PTPRN2: variants seen among roughly 807,000 people sequenced by gnomAD.
PTPRN2 encodes protein tyrosine phosphatase receptor type N2.
In PTPRN2, 74 loss-of-function variants were observed where a neutral mutation model predicts 118.8. The ratio of observed to expected loss-of-function variants is 0.62; its 90% CI spans 0.52 to 0.76. The LOEUF (loss-of-function observed/expected upper bound fraction) is 0.76. PTPRN2 is among the 30% of genes least tolerant of loss of function. The pLI is 0.00. For synonymous variants in PTPRN2, 641 were observed against 608.0 expected, an observed-to-expected ratio of 1.05 and a Z score of -0.80; for missense variants, 1,481 against 1,394.4, an observed-to-expected ratio of 1.06 and a Z score of -0.99.
intron 15 of PTPRN2, among the ~76,000 whole-genome samples, chr7:157,612,892 G>A (rs1196650776): frequency 1.3e-5 from 2 of 152,188 alleles, no homozygotes; most frequent in African/African-American, 2.4e-5. Flanking sequence ...GCACACCCCG[G>A]CCAGGGCAGG....
intron 2 of PTPRN2, among the ~76,000 whole-genome samples, chr7:158,366,282 C>T (rs1403562238): frequency 2.7e-5 from 4 of 148,166 alleles, no homozygotes; most frequent in African/African-American, 1.0e-4. Context: ...CCACAGCATC[C>T]CTGGGAGAAG....
At chr7:158,458,386 G>A (rs1818692250) in intron 2 of PTPRN2, among the ~76,000 whole-genome samples, 1 of 152,326 alleles carries the variant, frequency 6.6e-6, no homozygotes, top group East Asian at 1.9e-4. Context: ...CCACCTGGGG[G>A]AAAAGCTGCC....
chr7:158,208,694 A>T (rs757988103), intron 3 of PTPRN2, among the ~76,000 whole-genome samples: 13 of 152,252 alleles, frequency 8.5e-5, no homozygotes, highest in Non-Finnish European at 1.6e-4. Flanking sequence ...AGTGAGCAGT[A>T]AGAAATCATC....
At position 158,451,353 on chromosome 7, in the gene PTPRN2, T is replaced by TA. The variant is rs1455236044; in HGVS notation, c.163+38381dup. Among the ~76,000 whole-genome samples the TA allele has an allele frequency of 1.2e-4, 19 of 152,332 alleles. No homozygotes were observed. The East Asian group carries it at 3.7e-3, about 29-fold the overall frequency. ...TTTTACTAAGAGTTATTCTTGATTT[T>TA]AATATAGTTGAAATTATCAGTAATT... On this transcript the variant is annotated intron_variant, in intron 2 of 22. Transcript: ENST00000389418.
chr7:158,359,011 G>A (rs1056638627), intron 2 of PTPRN2, among the ~76,000 whole-genome samples: 2 of 152,312 alleles, frequency 1.3e-5, no homozygotes, highest in East Asian at 1.9e-4. Flanking sequence ...TGGGAGGGAC[G>A]CCATCCCCAC....
chr7:158,134,199 T>C, intron 8 of PTPRN2, 140 bp from the exon 9 acceptor site: 1 of 939,432 alleles, frequency 1.1e-6, no homozygotes, highest in Non-Finnish European at 1.6e-6. Flanking sequence ...GAAGGCGAAG[T>C]GTGTGCAGTC....
At chr7:158,425,883 C>G (rs1304742600) in intron 2 of PTPRN2, among the ~76,000 whole-genome samples, 1 of 138,882 alleles carries the variant, frequency 7.2e-6, no homozygotes, top group East Asian at 2.1e-4. Flanking sequence ...TCCAGCCTAG[C>G]TGAGGCCTGC....
chr7:158,288,947 G>A (rs765253039), intron 3 of PTPRN2, among the ~76,000 whole-genome samples: 2 of 152,070 alleles, frequency 1.3e-5, no homozygotes, highest in South Asian at 4.1e-4. Flanking sequence ...GCCAAGTACA[G>A]TATTCTTGGT....
At chr7:158,538,427 T>C (rs1825779796) in intron 1 of PTPRN2, among the ~76,000 whole-genome samples, 1 of 152,204 alleles carries the variant, frequency 6.6e-6, no homozygotes. Flanking sequence ...TGTGTCTACT[T>C]GCTGCTTCTG....
At chr7:157,829,946 G>A (rs578204488) in intron 12 of PTPRN2, among the ~76,000 whole-genome samples, 4 of 152,326 alleles carry the variant, frequency 2.6e-5, no homozygotes, top group South Asian at 2.1e-4. Context: ...TCTGTGGGCC[G>A]TGCTTCTAGC....
At chr7:157,665,262 T>C (rs1263569) in intron 13 of PTPRN2, among the ~76,000 whole-genome samples, 1 of 152,262 alleles carries the variant, frequency 6.6e-6, no homozygotes, top group Admixed American at 6.5e-5. Flanking sequence ...GATCCGCGAC[T>C]ATGCACCTTC....
At chr7:158,006,926 C>G (rs765639562) in intron 11 of PTPRN2, among the ~76,000 whole-genome samples, 1 of 152,204 alleles carries the variant, frequency 6.6e-6, no homozygotes, top group Non-Finnish European at 1.5e-5. Flanking sequence ...GCCTGCTAGT[C>G]TCCCTAGGGC....
chr7:158,073,325 C>T (rs111737650), intron 11 of PTPRN2, among the ~76,000 whole-genome samples: 4,065 of 152,286 alleles, frequency 0.027, 153 homozygotes, highest in African/African-American at 0.086. Context: ...GAGGAAGGAG[C>T]ATGGTGGGCA....
At chr7:158,291,162 T>C (rs943154436) in intron 3 of PTPRN2, among the ~76,000 whole-genome samples, 1 of 152,232 alleles carries the variant, frequency 6.6e-6, no homozygotes, top group Non-Finnish European at 1.5e-5. Context: ...AGCTTCCATT[T>C]GTGTTTCACA....
chr7:158,297,094 G>T (rs894548658), intron 3 of PTPRN2, among the ~76,000 whole-genome samples: 1 of 152,226 alleles, frequency 6.6e-6, no homozygotes, highest in Non-Finnish European at 1.5e-5. Context: ...AGCGGTAACG[G>T]TGAAAATCCT....
intron 5 of PTPRN2, among the ~76,000 whole-genome samples, chr7:158,183,550 CCT>C (rs1824895079): frequency 6.6e-6 from 1 of 152,232 alleles, no homozygotes; most frequent in South Asian, 2.1e-4. Context: ...CGCAAGGTCC[CCT>C]GTGAGGCAGA....
chr7:158,169,772 A>C (rs1823376142), intron 5 of PTPRN2, among the ~76,000 whole-genome samples: 1 of 151,802 alleles, frequency 6.6e-6, no homozygotes, highest in African/African-American at 2.4e-5. Flanking sequence ...GCTCACTGCA[A>C]CCTCCACCTC....
intron 22 of PTPRN2, among the ~76,000 whole-genome samples, chr7:157,546,678 T>C (rs775874305): frequency 1.8e-4 from 28 of 152,278 alleles, no homozygotes; most frequent in Non-Finnish European, 2.9e-4. Context: ...CAGTCTATCA[T>C]TGATGGGCAT....
intron 11 of PTPRN2, among the ~76,000 whole-genome samples, chr7:157,947,783 A>C (rs1179004294): frequency 1.3e-5 from 2 of 152,236 alleles, no homozygotes; most frequent in Admixed American, 1.3e-4. Flanking sequence ...TCAAAAGCCA[A>C]AGACAGAAAT....
Sources: allele counts gnomAD v4.1 joint callset (sites outside exome capture counted in the v4.1 genomes callset), GRCh38; gene constraint gnomAD v4.1.1; transcripts MANE v1.5; gene names NCBI Gene and HGNC (gene_info 2026-07-23, HGNC 2026-07-21).